The following CTNNA2 variants were observed in gnomAD, a reference collection of about 807,000 sequenced individuals.
CTNNA2 encodes catenin alpha 2, also known as catenin alpha-2.
In CTNNA2, 42 loss-of-function variants were observed where a neutral mutation model predicts 101.0. That is an observed-to-expected ratio of 0.42 (90% CI 0.32 to 0.54). CTNNA2 has a LOEUF of 0.54. Ranked by LOEUF, CTNNA2 falls within the 20% of genes least tolerant of loss-of-function variation. CTNNA2 has a pLI of 0.14. For synonymous variants in CTNNA2, 450 were observed against 456.4 expected, an observed-to-expected ratio of 0.99 and a Z score of 0.18; for missense variants, 871 against 1,223.1, an observed-to-expected ratio of 0.71 and a Z score of 4.29.
At chr2:80,439,748 T>G (rs1682389497) in intron 9 of CTNNA2, among the ~76,000 whole-genome samples, 1 of 152,192 alleles carries the variant, frequency 6.6e-6, no homozygotes, top group Non-Finnish European at 1.5e-5. Context: ...GGTTTTATAT[T>G]ATTTGAAAAC....
intron 2 of CTNNA2, among the ~76,000 whole-genome samples, chr2:79,733,889 T>C (rs564948666): frequency 1.1e-4 from 17 of 152,200 alleles, no homozygotes; most frequent in African/African-American, 4.1e-4. Context: ...AAAAAGATGA[T>C]GAATGTTGGG....
chr2:80,312,339 T>C (rs1193625527), intron 7 of CTNNA2, among the ~76,000 whole-genome samples: 1 of 152,164 alleles, frequency 6.6e-6, no homozygotes, highest in Admixed American at 6.5e-5. Flanking sequence ...GGCGGGGGTA[T>C]GAGCCAGAGT....
At chr2:79,298,739 G>A (rs946950871) in intron 2 of CTNNA2, among the ~76,000 whole-genome samples, 6 of 152,196 alleles carry the variant, frequency 3.9e-5, no homozygotes, top group Non-Finnish European at 8.8e-5. Flanking sequence ...CTCCAGAGCT[G>A]CAAATCTGTC....
chr2:79,723,974 A>G (rs1233249155), intron 2 of CTNNA2, among the ~76,000 whole-genome samples: 1 of 152,088 alleles, frequency 6.6e-6, no homozygotes, highest in Non-Finnish European at 1.5e-5. Context: ...TCTGATGCAC[A>G]TATTGCTCTG....
At position 80,024,029 on chromosome 2, in the gene CTNNA2, GTGAGCCAAGATGGCGCCAC is replaced by G. The variant is rs533757683; in HGVS notation, c.1056+114235_1056+114253del. 7.3e-3 allele frequency among the ~76,000 whole-genome samples: 1,106 copies of G among 150,524 alleles called. 12 individuals are homozygous for G. Among genetic ancestry groups the G allele is most frequent in the African/African-American group, 0.025 (1,017 of 41,100 alleles). On this transcript the variant is annotated intron_variant, in intron 7 of 18. Transcript: ENST00000402739. ...GTAAACCCGGGAGGCGGAGCTTGCAGTGAGCCAAGATGGCGCCACTGCACTTCAGCCTGGGCGACAGAGC... is the reference window on the plus strand; with the variant it reads ...GTAAACCCGGGAGGCGGAGCTTGCAGTGCACTTCAGCCTGGGCGACAGAGC...
chr2:79,815,629 T>A (rs1221888852), intron 3 of CTNNA2, among the ~76,000 whole-genome samples: 1 of 152,208 alleles, frequency 6.6e-6, no homozygotes, highest in Non-Finnish European at 1.5e-5. Flanking sequence ...GTGCCTATTT[T>A]TATACCAGTA....
At chr2:80,280,182 A>G (rs995627635) in intron 7 of CTNNA2, among the ~76,000 whole-genome samples, 2 of 150,394 alleles carry the variant, frequency 1.3e-5, no homozygotes, top group Non-Finnish European at 3.0e-5. Context: ...AAACAAAAAA[A>G]TGAATTATTA....
At chr2:80,305,524 C>T (rs1054162457) in intron 7 of CTNNA2, among the ~76,000 whole-genome samples, 1 of 151,814 alleles carries the variant, frequency 6.6e-6, no homozygotes, top group African/African-American at 2.4e-5. Flanking sequence ...TGTGTAGGGA[C>T]GTGATAGTTT....
chr2:80,245,474 T>G (rs1264862213), intron 7 of CTNNA2, among the ~76,000 whole-genome samples: 1 of 152,230 alleles, frequency 6.6e-6, no homozygotes, highest in Non-Finnish European at 1.5e-5. Context: ...AACGAGTCTT[T>G]ATATAACCAG....
At chr2:79,768,718 G>T (rs1673349436) in intron 3 of CTNNA2, among the ~76,000 whole-genome samples, 1 of 151,952 alleles carries the variant, frequency 6.6e-6, no homozygotes, top group Admixed American at 6.6e-5. Flanking sequence ...ACTGTTTCTA[G>T]GGGATTTATT....
chr2:79,940,905 A>G (rs1368027517), intron 7 of CTNNA2, among the ~76,000 whole-genome samples: 2 of 152,242 alleles, frequency 1.3e-5, no homozygotes, highest in African/African-American at 2.4e-5. Flanking sequence ...CTGAATGCAT[A>G]TTGCTTTCTC....
intron 3 of CTNNA2, among the ~76,000 whole-genome samples, chr2:79,849,470 G>T (rs988148704): frequency 2.8e-4 from 43 of 152,144 alleles, no homozygotes; most frequent in African/African-American, 1.0e-3. Context: ...CTTGAGAAAA[G>T]ACAGGACTTC....
rs149776981 is a variant in CTNNA2 at position 80,568,775 on chromosome 2, A to G, written c.1742-5388A>G. On this transcript the variant is annotated intron_variant, in intron 12 of 18. Coordinates refer to ENST00000402739, the MANE Select transcript of CTNNA2 (RefSeq NM_001282597.3). ...TTCAGTATGAGAAAATAAATCATTCATGGATATGTTGCTGTGGGTCCATTT... is the reference window on the plus strand; with the variant it reads ...TTCAGTATGAGAAAATAAATCATTCGTGGATATGTTGCTGTGGGTCCATTT... Among the ~76,000 whole-genome samples, 359 of 152,304 alleles carry G rather than the reference A, an allele frequency of 2.4e-3. 3 individuals are homozygous for G. Among genetic ancestry groups the G allele is most frequent in the African/African-American group, 7.2e-3 (299 of 41,568 alleles).
intron 3 of CTNNA2, among the ~76,000 whole-genome samples, chr2:79,334,488 G>A (rs1676948299): frequency 6.6e-6 from 1 of 152,232 alleles, no homozygotes; most frequent in African/African-American, 2.4e-5. Context: ...TAGACTAGGA[G>A]CATCCTGAGG....
intron 9 of CTNNA2, among the ~76,000 whole-genome samples, chr2:80,482,314 C>T (rs1301337980): frequency 6.6e-6 from 1 of 152,028 alleles, no homozygotes; most frequent in East Asian, 1.9e-4. Flanking sequence ...TTTAAAGGGT[C>T]TCTTGACATG....
At chr2:79,427,616 T>C (rs1459614582) in intron 4 of CTNNA2, among the ~76,000 whole-genome samples, 1 of 135,204 alleles carries the variant, frequency 7.4e-6, no homozygotes, top group Non-Finnish European at 1.6e-5. Flanking sequence ...GTTCTTTCTT[T>C]AATATTAAAA....
intron 7 of CTNNA2, among the ~76,000 whole-genome samples, chr2:80,293,915 A>G (rs1437560372): frequency 6.6e-6 from 1 of 151,972 alleles, no homozygotes; most frequent in African/African-American, 2.4e-5. Context: ...TGGGGTGGAG[A>G]CACAGAGGGG....
At chr2:79,403,643 G>A (rs1678311994) in intron 4 of CTNNA2, among the ~76,000 whole-genome samples, 1 of 151,886 alleles carries the variant, frequency 6.6e-6, no homozygotes, top group African/African-American at 2.4e-5. Context: ...TGTCATAGGA[G>A]GAAAAGTCTA....
chr2:80,161,396 G>T (rs890217303), intron 7 of CTNNA2, among the ~76,000 whole-genome samples: 10 of 151,988 alleles, frequency 6.6e-5, no homozygotes, highest in Admixed American at 5.9e-4. Flanking sequence ...TATTAAAAAG[G>T]ATCCTTATTT....
Sources: gnomAD v4.1 joint callset for allele counts (sites outside exome capture counted in the v4.1 genomes callset) on GRCh38, gnomAD v4.1.1 for gene constraint, MANE v1.5 for transcripts, NCBI Gene and HGNC (gene_info 2026-07-23, HGNC 2026-07-21) for gene names.